Variants in TMEM132C observed in about 807,000 individuals in gnomAD.
The protein encoded by TMEM132C is transmembrane protein 132C.
In TMEM132C, 29 loss-of-function variants were observed where a neutral mutation model predicts 61.4. The ratio of observed to expected loss-of-function variants is 0.47; its 90% CI spans 0.35 to 0.64. TMEM132C has a LOEUF of 0.64. Among genes scored for constraint, TMEM132C ranks in the 30% least tolerant of loss-of-function variants. The pLI, the probability that TMEM132C is intolerant of heterozygous loss-of-function variation, is 0.00. For synonymous variants in TMEM132C, 656 were observed against 633.1 expected (o/e 1.04, Z -0.54); for missense variants, 1,408 against 1,476.9 (o/e 0.95, Z 0.76).
chr12:128,542,854 C>T (rs1169805568), intron 2 of TMEM132C, among the ~76,000 whole-genome samples: 2 of 91,580 alleles, frequency 2.2e-5, no homozygotes, highest in African/African-American at 4.2e-5. Flanking sequence ...AACAATACTT[C>T]GATGCAAAAA....
chr12:128,432,205 C>A (rs191209236), intron 2 of TMEM132C, among the ~76,000 whole-genome samples: 1 of 152,208 alleles, frequency 6.6e-6, no homozygotes, highest in African/African-American at 2.4e-5. Context: ...TACCTGCTAA[C>A]GTAACATCCA....
At chr12:128,277,745 G>A (rs1870742866) in intron 1 of TMEM132C, among the ~76,000 whole-genome samples, 1 of 152,206 alleles carries the variant, frequency 6.6e-6, no homozygotes, top group Non-Finnish European at 1.5e-5. Context: ...CACTTCTCAC[G>A]GGTGTGCTCC....
Position 128,301,857 on chromosome 12 carries a change from G to C in TMEM132C, c.85+34370G>C, listed in dbSNP as rs142179543. ...TGGACTCGCAGTTCCATGTGGCTGG[G>C]GAGGCCTCACAATCATGGCGGAAGG... is the stretch of plus-strand genomic sequence containing the variant. On this transcript the variant is annotated intron_variant, in intron 1 of 8. Transcript: ENST00000435159. Among the ~76,000 whole-genome samples, 529 of 152,286 alleles carry C rather than the reference G, an allele frequency of 3.5e-3. 3 individuals are homozygous for C. The highest frequency in any genetic ancestry group is 0.012 in the African/African-American group (509 of 41,570).
At chr12:128,344,125 A>C (rs1360968578) in intron 1 of TMEM132C, among the ~76,000 whole-genome samples, 2 of 152,018 alleles carry the variant, frequency 1.3e-5, no homozygotes, top group Admixed American at 6.5e-5. Flanking sequence ...ATTCATGTAC[A>C]TGTTTTCGTG....
chr12:128,421,329 C>T (rs1282447361), intron 2 of TMEM132C, among the ~76,000 whole-genome samples: 6 of 152,152 alleles, frequency 3.9e-5, no homozygotes, highest in Admixed American at 1.3e-4. Flanking sequence ...CTATGGCTGC[C>T]GGTTAGATCA....
At chr12:128,301,904 T>C (rs1004937318) in intron 1 of TMEM132C, among the ~76,000 whole-genome samples, 7 of 152,190 alleles carry the variant, frequency 4.6e-5, no homozygotes, top group South Asian at 2.1e-4. Context: ...TCTTACATGG[T>C]GGCAGATGAG....
At chr12:128,666,050 A>AC (rs1954467347) in intron 4 of TMEM132C, among the ~76,000 whole-genome samples, 1 of 77,614 alleles carries the variant, frequency 1.3e-5, no homozygotes, top group African/African-American at 5.2e-5. Context: ...CTCATACACA[A>AC]ACACAGGCAC....
At chr12:128,407,375 A>G (rs1875381244) in intron 1 of TMEM132C, among the ~76,000 whole-genome samples, 1 of 152,144 alleles carries the variant, frequency 6.6e-6, no homozygotes, top group African/African-American at 2.4e-5. Flanking sequence ...AGTCTCGGGT[A>G]TTTCTTCATA....
chr12:128,698,536 C>CTGTGAAGAG (rs1181764635), intron 8 of TMEM132C, among the ~76,000 whole-genome samples: 1 of 152,216 alleles, frequency 6.6e-6, no homozygotes, highest in African/African-American at 2.4e-5. Flanking sequence ...GTAACAACAC[C>CTGTGAAGAG]TGTGAAGAGT....
At chr12:128,488,619 C>T (rs1030580057) in intron 2 of TMEM132C, among the ~76,000 whole-genome samples, 1 of 151,812 alleles carries the variant, frequency 6.6e-6, no homozygotes, top group African/African-American at 2.4e-5. Flanking sequence ...AGAGATCATG[C>T]CACTGTACTC....
intron 1 of TMEM132C, among the ~76,000 whole-genome samples, chr12:128,347,672 C>A (rs1873211126): frequency 6.6e-6 from 1 of 152,230 alleles, no homozygotes; most frequent in Non-Finnish European, 1.5e-5. Context: ...AGGTGATCCA[C>A]CCGCCTTGGT....
chr12:128,616,011 A>G (rs775211648), intron 3 of TMEM132C, 141 bp from the exon 4 acceptor site: 32 of 1,009,412 alleles, frequency 3.2e-5, no homozygotes, highest in Non-Finnish European at 4.5e-5. Flanking sequence ...AGGTGGTTCC[A>G]TGCCCCAGGA....
chr12:128,597,467 C>G (rs1416515457), intron 3 of TMEM132C, among the ~76,000 whole-genome samples: 1 of 141,002 alleles, frequency 7.1e-6, no homozygotes, highest in East Asian at 2.1e-4. Context: ...AAAGAGAGAG[C>G]GAGAGAGAGG....
At chr12:128,484,710 A>C (rs566461244) in intron 2 of TMEM132C, among the ~76,000 whole-genome samples, 50 of 152,276 alleles carry the variant, frequency 3.3e-4, no homozygotes, top group African/African-American at 1.1e-3. Context: ...TAATCTCAGC[A>C]CTTTGGGAGG....
chr12:128,476,629 C>T (rs1871163209), intron 2 of TMEM132C, among the ~76,000 whole-genome samples: 1 of 152,210 alleles, frequency 6.6e-6, no homozygotes. Flanking sequence ...ATCTCTACTG[C>T]ATTTTAACTA....
chr12:128,410,453 A>G (rs906291983), intron 1 of TMEM132C, among the ~76,000 whole-genome samples: 3 of 152,126 alleles, frequency 2.0e-5, no homozygotes, highest in Non-Finnish European at 4.4e-5. Context: ...TCCAGGCTAG[A>G]GTGCAGTGGC....
intron 2 of TMEM132C, among the ~76,000 whole-genome samples, chr12:128,494,166 A>G (rs1871854204): frequency 6.6e-6 from 1 of 152,144 alleles, no homozygotes; most frequent in South Asian, 2.1e-4. Context: ...TGATTTGCAT[A>G]TGTTGAACCA....
At chr12:128,458,845 C>T (rs984871529) in intron 2 of TMEM132C, among the ~76,000 whole-genome samples, 3 of 152,210 alleles carry the variant, frequency 2.0e-5, no homozygotes, top group African/African-American at 7.2e-5. Flanking sequence ...AGAGCTCCAT[C>T]TACACATTGC....
At chr12:128,511,880 A>C (rs1209321584) in intron 2 of TMEM132C, among the ~76,000 whole-genome samples, 1 of 152,174 alleles carries the variant, frequency 6.6e-6, no homozygotes, top group African/African-American at 2.4e-5. Context: ...CTGCAGGCTC[A>C]GAGCTGCCTT....
Sources: gnomAD v4.1 joint callset for allele counts (sites outside exome capture counted in the v4.1 genomes callset) on GRCh38, gnomAD v4.1.1 for gene constraint, MANE v1.5 for transcripts, NCBI Gene and HGNC (gene_info 2026-07-23, HGNC 2026-07-21) for gene names.